The following SMAD1 variants were observed in gnomAD, a reference collection of about 807,000 sequenced individuals.
SMAD1 encodes the protein MAD, mothers against decapentaplegic homolog 1.
In SMAD1, 6 loss-of-function variants were observed where a neutral mutation model predicts 41.6. The observed-to-expected ratio is 0.14, with a 90% confidence interval of 0.08 to 0.28. The LOEUF is 0.28. Ranked by LOEUF, SMAD1 falls within the 10% of genes least tolerant of loss-of-function variation. The pLI is 1.00. For missense variants in SMAD1, 379 were observed against 582.6 expected, an observed-to-expected ratio of 0.65 and a Z score of 3.60; for synonymous variants, 206 against 203.2, an observed-to-expected ratio of 1.01 and a Z score of -0.12.
At chr4:145,517,603 A>G (rs903611892) in intron 2 of SMAD1, among the ~76,000 whole-genome samples, 21 of 152,276 alleles carry the variant, frequency 1.4e-4, no homozygotes, top group African/African-American at 5.1e-4. Context: ...GCATAATTTG[A>G]TAAATTTTTG....
chr4:145,514,423 TTTTTTG>T lies in SMAD1; in HGVS notation c.-176-10_-176-5del. On this transcript the variant is annotated splice_polypyrimidine_tract_variant and intron_variant, in intron 1 of 6. Coordinates refer to ENST00000302085, the MANE Select transcript of SMAD1 (RefSeq NM_005900.3). The surrounding 1 kb of genome is among the most constrained non-coding windows in gnomAD (Gnocchi z 4.7). ...TGGTAAAGATGATTCTAACCATTCT[TTTTTTG>T]TTTTGTAGGTGCTGACTGGGTTACT... 1 of 528,542 alleles carries T rather than the reference TTTTTTG, an allele frequency of 1.9e-6. No homozygotes were observed. The highest frequency in any genetic ancestry group is 3.0e-5 in the East Asian group (1 of 33,520). The allele number at this position is 528,542 out of a possible 1,614,324, so 32.7% of individuals were successfully genotyped here.
chr4:145,518,641 C>G (rs1278872735), intron 2 of SMAD1, among the ~76,000 whole-genome samples: 1 of 126,324 alleles, frequency 7.9e-6, no homozygotes, highest in Non-Finnish European at 2.0e-5. Context: ...ATATACACAG[C>G]TCAACACTGA....
At chr4:145,547,919 A>G (rs1438326395) in intron 5 of SMAD1, among the ~76,000 whole-genome samples, 1 of 152,192 alleles carries the variant, frequency 6.6e-6, no homozygotes, top group East Asian at 1.9e-4. Context: ...AGGGCCCAGA[A>G]GCATACATAC....
In SMAD1 at chr4:145,532,217, G is replaced by T. The variant is rs1360320751; in HGVS notation, c.401-7587G>T. On this transcript the variant is annotated intron_variant, in intron 2 of 6. Coordinates refer to ENST00000302085, the MANE Select transcript of SMAD1 (RefSeq NM_005900.3). Reference sequence around the variant, plus strand: ...ACATTCTTAGTTGGGTTTCCCTGTTGACTGGAAAAGGGATTTTATTTTTAA... The same window carrying T: ...ACATTCTTAGTTGGGTTTCCCTGTTTACTGGAAAAGGGATTTTATTTTTAA... 2.6e-5 allele frequency among the ~76,000 whole-genome samples: 4 copies of T among 152,156 alleles called. No homozygotes were observed. In the East Asian group the frequency reaches 7.7e-4, roughly 29 times the overall value.
At chr4:145,549,570 T>C (rs1258030200) in intron 5 of SMAD1, among the ~76,000 whole-genome samples, 1 of 152,198 alleles carries the variant, frequency 6.6e-6, no homozygotes, top group East Asian at 1.9e-4. Flanking sequence ...GTTATATGGG[T>C]GTTCTTTGTT....
chr4:145,498,108 A>G (rs1466713095), intron 1 of SMAD1: 1 of 152,252 alleles, frequency 6.6e-6, no homozygotes, highest in Non-Finnish European at 1.5e-5. Context: ...TTGTGAAGAT[A>G]TTTGAATAAC....
chr4:145,488,472 C>CT (rs1385206948), intron 1 of SMAD1, among the ~76,000 whole-genome samples: 1 of 118,706 alleles, frequency 8.4e-6, no homozygotes, highest in Non-Finnish European at 1.8e-5. Context: ...CTCTCCCTGT[C>CT]TTTTTGTGTG....
chr4:145,540,885 G>C (rs1411614924), intron 3 of SMAD1, among the ~76,000 whole-genome samples: 2 of 152,156 alleles, frequency 1.3e-5, no homozygotes, highest in Non-Finnish European at 2.9e-5. Flanking sequence ...ATGTTTTTAA[G>C]TAAATTTGAA....
chr4:145,543,542 TCTC>T (rs987799019), intron 4 of SMAD1, among the ~76,000 whole-genome samples: 2 of 152,204 alleles, frequency 1.3e-5, no homozygotes, highest in African/African-American at 4.8e-5. Context: ...TTTTTCCCCT[TCTC>T]AGCCTGAAGA....
At chr4:145,527,513 G>A (rs930422086) in intron 2 of SMAD1, among the ~76,000 whole-genome samples, 12 of 152,172 alleles carry the variant, frequency 7.9e-5, no homozygotes, top group African/African-American at 2.6e-4. Context: ...GTGAGCCACC[G>A]CGCCCGGCCC....
At chr4:145,538,845 A>C (rs1203175714) in intron 2 of SMAD1, among the ~76,000 whole-genome samples, 1 of 152,116 alleles carries the variant, frequency 6.6e-6, no homozygotes, top group South Asian at 2.1e-4. Context: ...GAAACTTAGG[A>C]TCTAACCCTA....
At chr4:145,546,587 C>A in intron 4 of SMAD1, 116 bp from the exon 5 acceptor site, 1 of 744,198 alleles carries the variant, frequency 1.3e-6, no homozygotes, top group Non-Finnish European at 2.4e-6. Flanking sequence ...ATTATAATAG[C>A]AATTGCTTTT....
At chr4:145,480,859 G>A (rs1272456140), upstream of SMAD1, among the ~76,000 whole-genome samples, 2 of 150,900 alleles carry the variant, frequency 1.3e-5, no homozygotes, top group Non-Finnish European at 2.9e-5. Flanking sequence ...GCTCAAATAG[G>A]TTAAGGGAAA....
At chr4:145,535,724 G>A (rs1343498931) in intron 2 of SMAD1, among the ~76,000 whole-genome samples, 2 of 152,152 alleles carry the variant, frequency 1.3e-5, no homozygotes, top group Non-Finnish European at 2.9e-5. Context: ...TAGAAGGGAT[G>A]TGGTAGGGAG....
chr4:145,534,608 A>G (rs1731508843), intron 2 of SMAD1, among the ~76,000 whole-genome samples: 1 of 152,226 alleles, frequency 6.6e-6, no homozygotes, highest in Non-Finnish European at 1.5e-5. Context: ...AATGTCTAAA[A>G]GACTCGAACA....
intron 1 of SMAD1, among the ~76,000 whole-genome samples, chr4:145,508,225 G>A (rs1729894656): frequency 6.6e-6 from 1 of 151,816 alleles, no homozygotes; most frequent in South Asian, 2.1e-4. Context: ...AGATTCTTCA[G>A]TCTTGCCCCT....
intron 1 of SMAD1, among the ~76,000 whole-genome samples, chr4:145,507,288 G>A (rs572991519): frequency 6.6e-6 from 1 of 151,484 alleles, no homozygotes; most frequent in South Asian, 2.1e-4. Context: ...GGAGGAGAGA[G>A]ACACATTACT....
chr4:145,486,369 TGTA>T (rs1012461835), intron 1 of SMAD1, among the ~76,000 whole-genome samples: 1 of 152,246 alleles, frequency 6.6e-6, no homozygotes, highest in Non-Finnish European at 1.5e-5. Flanking sequence ...GGAGGAAAGT[TGTA>T]GTAATTCAGT....
intron 1 of SMAD1, among the ~76,000 whole-genome samples, chr4:145,484,951 C>T (rs894134975): frequency 6.6e-6 from 1 of 152,194 alleles, no homozygotes; most frequent in Non-Finnish European, 1.5e-5. Context: ...AACATATAAA[C>T]AGTTCAGGAA....
Sources: allele counts gnomAD v4.1 joint callset (sites outside exome capture counted in the v4.1 genomes callset), GRCh38; gene constraint gnomAD v4.1.1; non-coding constraint Gnocchi (gnomAD v3.1); transcripts MANE v1.5; gene names NCBI Gene and HGNC (gene_info 2026-07-23, HGNC 2026-07-21).